The following COBL variants were observed in gnomAD, a reference collection of about 807,000 sequenced individuals.
COBL encodes protein cordon-bleu.
A neutral mutation model predicts 98.8 loss-of-function variants in COBL; 51 were observed. The ratio of observed to expected loss-of-function variants is 0.52; its 90% CI spans 0.41 to 0.65. The LOEUF (loss-of-function observed/expected upper bound fraction) is 0.65, where lower values mean the gene tolerates loss of function less well. COBL is among the 30% of genes least tolerant of loss of function. The pLI, the probability that COBL is intolerant of heterozygous loss-of-function variation, is 0.00. For missense variants in COBL, 1,617 were observed against 1,617.5 expected (o/e 1.00, Z 0.01); for synonymous variants, 634 against 651.7 (o/e 0.97, Z 0.41).
At chr7:51,226,568 GAGTA>G (rs1192350096) in intron 1 of COBL, among the ~76,000 whole-genome samples, 2 of 152,094 alleles carry the variant, frequency 1.3e-5, no homozygotes, top group African/African-American at 4.8e-5. Flanking sequence ...CTAAGTGAGT[GAGTA>G]AGTGAGTGAG....
intron 7 of COBL, among the ~76,000 whole-genome samples, chr7:51,056,740 C>T (rs1428548939): frequency 2.0e-5 from 3 of 151,420 alleles, no homozygotes; most frequent in Admixed American, 6.6e-5. Context: ...TCACACAATG[C>T]TAACATACCA....
rs73695272 is a variant in COBL at position 51,073,396 on chromosome 7, A to G, written c.1096+11770T>C. 2,884 of 674,268 alleles carry G rather than the reference A, an allele frequency of 4.3e-3. 66 individuals are homozygous for G. The African/African-American group carries it at 0.046, about 11-fold the overall frequency. The allele number at this position is 674,268 out of a possible 1,614,324, so 41.8% of individuals were successfully genotyped here. On this transcript the variant is annotated intron_variant, in intron 7 of 12. Transcript: ENST00000265136. ...ACGCACAGCAATAAACTGCGGGGGG[A>G]AAATAAATGGCAAAATGTGAACGCA...
intron 5 of COBL, chr7:51,156,613 G>A: frequency 1.0e-6 from 1 of 983,186 alleles, no homozygotes; most frequent in Non-Finnish European, 1.2e-6. Flanking sequence ...CACATGGAGG[G>A]TCAAATATTG....
At chr7:51,231,248 C>G (rs1167345936) in intron 1 of COBL, among the ~76,000 whole-genome samples, 1 of 152,192 alleles carries the variant, frequency 6.6e-6, no homozygotes, top group Non-Finnish European at 1.5e-5. Context: ...TCTGTTCTTA[C>G]CTATTTGCTC....
intron 1 of COBL, among the ~76,000 whole-genome samples, chr7:51,227,192 G>T (rs1364236566): frequency 1.3e-5 from 2 of 152,122 alleles, no homozygotes; most frequent in East Asian, 3.9e-4. Context: ...TTGTAGAGAC[G>T]CCCCCTTTAC....
intron 2 of COBL, among the ~76,000 whole-genome samples, chr7:51,210,381 G>A (rs1792297659): frequency 6.6e-6 from 1 of 152,188 alleles, no homozygotes; most frequent in Admixed American, 6.5e-5. Context: ...TACTTGCAGG[G>A]CACAGTTACC....
At chr7:51,107,104 T>C (rs1796371282) in intron 6 of COBL, among the ~76,000 whole-genome samples, 1 of 146,976 alleles carries the variant, frequency 6.8e-6, no homozygotes, top group African/African-American at 2.5e-5. Flanking sequence ...TTTTTTTTTT[T>C]TTTTTTTTGA....
intron 6 of COBL, among the ~76,000 whole-genome samples, chr7:51,089,561 G>A (rs1398298872): frequency 4.6e-5 from 7 of 152,170 alleles, no homozygotes; most frequent in African/African-American, 1.7e-4. Flanking sequence ...AGTGTCTACT[G>A]AAAACTGTCA....
At chr7:51,160,372 A>G (rs959182402) in intron 5 of COBL, among the ~76,000 whole-genome samples, 1 of 152,224 alleles carries the variant, frequency 6.6e-6, no homozygotes, top group Non-Finnish European at 1.5e-5. Context: ...TGACACAGTC[A>G]TCAAGGGAAA....
intron 1 of COBL, among the ~76,000 whole-genome samples, chr7:51,221,819 A>T (rs1410936024): frequency 1.3e-5 from 2 of 152,262 alleles, no homozygotes; most frequent in Non-Finnish European, 2.9e-5. Context: ...AGCAAAAGTG[A>T]TTAGATGAGG....
At chr7:51,169,599 C>T (rs1787655350) in intron 5 of COBL, among the ~76,000 whole-genome samples, 1 of 152,126 alleles carries the variant, frequency 6.6e-6, no homozygotes, top group Non-Finnish European at 1.5e-5. Flanking sequence ...AAGGCAGACA[C>T]AGAAAGACAA....
At chr7:51,018,439 C>G (rs1053854442) in intron 12 of COBL, 3 of 152,198 alleles carry the variant, frequency 2.0e-5, no homozygotes, top group Non-Finnish European at 2.9e-5. Context: ...GCGCACCTGC[C>G]CTTTTCCTGA....
intron 1 of COBL, among the ~76,000 whole-genome samples, chr7:51,282,535 C>CA (rs1799901639): frequency 6.6e-6 from 1 of 152,038 alleles, no homozygotes; most frequent in African/African-American, 2.4e-5. Context: ...TCCTAAACTT[C>CA]AATACACCTG....
At chr7:51,191,176 T>C in intron 3 of COBL, 98 bp from the exon 4 acceptor site, 2 of 1,028,586 alleles carry the variant, frequency 1.9e-6, no homozygotes, top group Admixed American at 4.1e-5. Flanking sequence ...CAGGATTGTG[T>C]GTAGCCTGAA....
rs1803664031 is a variant in COBL at position 51,316,796 on chromosome 7, C to G, written c.-163G>C. The G allele has an allele frequency of 2.1e-6, 1 of 480,634 alleles. No homozygotes were observed. Among genetic ancestry groups the G allele is most frequent in the Non-Finnish European group, 3.1e-6 (1 of 319,124 alleles). The allele number at this position is 480,634 out of a possible 1,614,324, so 29.8% of individuals were successfully genotyped here. On this transcript the variant is annotated 5_prime_UTR_variant, in exon 1 of 13. Coordinates refer to ENST00000265136, the MANE Select transcript of COBL (RefSeq NM_015198.5). Reference sequence around the variant, plus strand: ...GGCGGAGCGCGGCGGACGGAAGGGGCTGGAATCGTCTCTAGCGGGCGGGGG... The same window carrying G: ...GGCGGAGCGCGGCGGACGGAAGGGGGTGGAATCGTCTCTAGCGGGCGGGGG...
intron 1 of COBL, among the ~76,000 whole-genome samples, chr7:51,240,477 G>A (rs977011755): frequency 6.6e-6 from 1 of 152,232 alleles, no homozygotes; most frequent in Admixed American, 6.5e-5. Flanking sequence ...CGGCTCAAGT[G>A]AACAAAAGCA....
At chr7:51,103,324 A>C (rs1001613514) in intron 6 of COBL, among the ~76,000 whole-genome samples, 8 of 152,200 alleles carry the variant, frequency 5.3e-5, no homozygotes, top group Non-Finnish European at 1.0e-4. Context: ...TTGGTTGTTC[A>C]CATCAATTTT....
chr7:51,079,615 G>A (rs1793427080), intron 7 of COBL, among the ~76,000 whole-genome samples: 1 of 152,240 alleles, frequency 6.6e-6, no homozygotes, highest in Admixed American at 6.5e-5. Flanking sequence ...GGCAGTGGGA[G>A]GAATTCCCAC....
At chr7:51,020,684 C>T (rs557404585) in intron 12 of COBL, among the ~76,000 whole-genome samples, 26 of 152,142 alleles carry the variant, frequency 1.7e-4, no homozygotes, top group Non-Finnish European at 1.6e-4. Flanking sequence ...CTGAACACTG[C>T]CTTCAGGAGG....
Sources: allele counts gnomAD v4.1 joint callset (sites outside exome capture counted in the v4.1 genomes callset), GRCh38; gene constraint gnomAD v4.1.1; transcripts MANE v1.5; gene names NCBI Gene and HGNC (gene_info 2026-07-23, HGNC 2026-07-21).